Variants in DENND2C observed in about 807,000 individuals in gnomAD.
DENND2C encodes the protein DENN domain-containing protein 2C.
Under a neutral mutation model 112.4 loss-of-function variants are expected in DENND2C, and 72 were observed. The ratio of observed to expected loss-of-function variants is 0.64; its 90% CI spans 0.53 to 0.78. The LOEUF is 0.78. Among genes scored for constraint, DENND2C ranks in the 30% least tolerant of loss-of-function variants. DENND2C has a pLI of 0.00. For missense variants in DENND2C, 992 were observed against 1,113.8 expected, an observed-to-expected ratio of 0.89 and a Z score of 1.56; for synonymous variants, 329 against 381.6, an observed-to-expected ratio of 0.86 and a Z score of 1.61.
chr1:114,659,389 C>T (rs541753070), intron 1 of DENND2C, among the ~76,000 whole-genome samples: 1 of 152,216 alleles, frequency 6.6e-6, no homozygotes, highest in South Asian at 2.1e-4. Context: ...GTAGTCCCAG[C>T]TACTTTGGAA....
rs148326442 is a variant in DENND2C, at chr1:114,600,864, G to A, written c.1912C>T (p.Arg638Cys). The A allele has an allele frequency of 8.0e-4, 1,294 of 1,614,038 alleles. 2 individuals are homozygous for A. Among genetic ancestry groups the A allele is most frequent in the Non-Finnish European group, 9.6e-4 (1,133 of 1,179,944 alleles). ...VMEAPFPAPG[R>C]TITVKSYLPG... ...AGGTAACTCTTAACTGTGATGGTGCGTCCAGGAGCTGGGAAAGGAGCTTCC... is the reference window on the plus strand; with the variant it reads ...AGGTAACTCTTAACTGTGATGGTGCATCCAGGAGCTGGGAAAGGAGCTTCC... The change falls in exon 14 of 21, where the codon CGC becomes TGC. Residue 638 changes from arginine to cysteine, a missense_variant. Around this residue, in one of 3 missense-constraint regions of DENND2C, gnomAD observed 516 missense variants for 623.6 expected, o/e 0.83. Transcript: ENST00000393274.
intron 3 of DENND2C, among the ~76,000 whole-genome samples, chr1:114,644,523 G>A (rs977613799): frequency 6.6e-6 from 1 of 152,128 alleles, no homozygotes; most frequent in Non-Finnish European, 1.5e-5. Flanking sequence ...ATTTGAAGCT[G>A]CCCCATTTGT....
Position 114,604,987 on chromosome 1 carries a change from A to T in DENND2C, c.1602T>A (p.Leu534=). ...GAAAACAAAATTTTGGAATAACTTT[A>T]AGTCTCTCTTCCATGTCTTTGGACT... ...YKQSKDMEER[L]KVIPKFCFPD... Residue 534 remains leucine (L), a synonymous_variant, in exon 11 of 21, where the codon CTT becomes CTA. Transcript: ENST00000393274. 6.2e-7 allele frequency: 1 copy of T among 1,613,862 alleles called. No homozygotes were observed. Among genetic ancestry groups the T allele is most frequent in the Non-Finnish European group, 8.5e-7 (1 of 1,179,940 alleles).
In DENND2C at chr1:114,622,850, T is replaced by A. The variant is rs561656217; in HGVS notation, c.1056+137A>T. 2.7e-3 allele frequency: 1,321 copies of A among 481,898 alleles called. 3 individuals carry two copies. The highest frequency in any genetic ancestry group is 4.4e-3 in the Admixed American group (102 of 23,076). The allele number at this position is 481,898 out of a possible 1,614,324, so 29.9% of individuals were successfully genotyped here. A position where few individuals can be genotyped will look rare whatever the true frequency, so the allele number is the denominator to read the frequency against. ...GTTATCCCAAAAAACAAAACAAAAA[T>A]TAAAAAAACTACCACCAACATTAAA... On this transcript the variant is annotated intron_variant, in intron 6 of 20. Coordinates refer to ENST00000393274, the MANE Select transcript of DENND2C (RefSeq NM_001256404.2).
chr1:114,655,878 G>GTGTATATATATATATATATATATATA (rs1553238216), intron 1 of DENND2C, among the ~76,000 whole-genome samples: 1 of 19,944 alleles, frequency 5.0e-5, no homozygotes, highest in East Asian at 5.8e-4. Flanking sequence ...ATATATATAT[G>GTGTATATATATATATATATATATATA]TATAAATATA....
At chr1:114,623,665 TAA>T in intron 4 of DENND2C, 22 bp from the exon 5 acceptor site, 13 of 1,537,922 alleles carry the variant, frequency 8.5e-6, no homozygotes, top group Non-Finnish European at 1.1e-5. Context: ...AGATATATTT[TAA>T]AGTTATATCT....
chr1:114,616,067 T>C (rs1655959691), intron 8 of DENND2C, among the ~76,000 whole-genome samples: 1 of 151,402 alleles, frequency 6.6e-6, no homozygotes, highest in African/African-American at 2.4e-5. Flanking sequence ...AGAGCAAGAC[T>C]GTCTCAAAAG....
In DENND2C at chr1:114,600,321, C is replaced by T. The variant is rs746690091; in HGVS notation, c.1988G>A (p.Arg663Gln). ...SIELCRPLDS[R>Q]LEHVDFKCLF... ...ACATTTAAAATCAACATGTTCCAAT[C>T]GGGAATCTAGTGGTCGGCAGAGTTC... Residue 663 changes from arginine to glutamine, a missense_variant, in exon 15 of 21, where the codon CGA becomes CAA. Coordinates refer to ENST00000393274, the MANE Select transcript of DENND2C (RefSeq NM_001256404.2). 8.7e-6 allele frequency: 14 copies of T among 1,613,998 alleles called. No homozygotes were observed. In the East Asian group the frequency reaches 1.3e-4, roughly 15 times the overall value.
rs764676779 is a variant in DENND2C, at chr1:114,625,693, T to C, written c.292A>G (p.Lys98Glu). 6.2e-7 allele frequency: 1 copy of C among 1,614,084 alleles called. No homozygotes were observed. Among genetic ancestry groups the C allele is most frequent in the South Asian group, 1.1e-5 (1 of 91,080 alleles). The stretch of plus-strand genomic sequence containing the variant: ...TGTGTATCGTCATATTCATGTTTCT[T>C]ATTTTCATTCTCACTTTGATCATGG... The part of the protein sequence containing the change: ...KSHDQSENEN[K>E]KHEYDDTHFF... Residue 98 changes from lysine (K) to glutamate (E), a missense_variant, in exon 4 of 21, where the codon AAG (lysine) becomes GAG (glutamate). By Grantham distance (56) the Lys-to-Glu change is moderately conservative. Coordinates refer to ENST00000393274, the MANE Select transcript of DENND2C (RefSeq NM_001256404.2).
intron 8 of DENND2C, among the ~76,000 whole-genome samples, chr1:114,614,748 C>T (rs1468617259): frequency 1.3e-5 from 2 of 152,200 alleles, no homozygotes; most frequent in East Asian, 3.8e-4. Context: ...CGCAGTGGCT[C>T]ATGCCTGTAA....
chr1:114,665,078 A>G (rs377692409), intron 1 of DENND2C, among the ~76,000 whole-genome samples: 10 of 151,940 alleles, frequency 6.6e-5, no homozygotes, highest in African/African-American at 2.4e-4. Flanking sequence ...TGGGCAACAG[A>G]GAGAGACTCT....
At chr1:114,587,099 T>C (rs1655059467) in intron 20 of DENND2C, 3 of 313,628 alleles carry the variant, frequency 9.6e-6, no homozygotes, top group Admixed American at 8.4e-5. Flanking sequence ...GGTTTCACCA[T>C]GTTGGACAGG....
intron 1 of DENND2C, among the ~76,000 whole-genome samples, chr1:114,665,077 G>A (rs1657609109): frequency 6.6e-6 from 1 of 151,740 alleles, no homozygotes; most frequent in Non-Finnish European, 1.5e-5. Context: ...CTGGGCAACA[G>A]AGAGAGACTC....
intron 2 of DENND2C, among the ~76,000 whole-genome samples, chr1:114,646,528 T>A (rs992962994): frequency 3.3e-5 from 5 of 152,178 alleles, no homozygotes; most frequent in Non-Finnish European, 5.9e-5. Context: ...CTTGGACACA[T>A]ATGAACTGCT....
At chr1:114,639,952 TACTGCATAATATGTGGG>T (rs202197459) in intron 3 of DENND2C, among the ~76,000 whole-genome samples, 4,056 of 152,278 alleles carry the variant, frequency 0.027, 96 homozygotes, top group Non-Finnish European at 0.035. Flanking sequence ...GGCAGGGCAT[TACTGCATAATATGTGGG>T]ACTGCATAAT....
chr1:114,604,900 T>C, intron 11 of DENND2C, 22 bp downstream of exon 11: 1 of 1,512,966 alleles, frequency 6.6e-7, no homozygotes, highest in African/African-American at 1.4e-5. Context: ...TGAATAGAAA[T>C]CAGATAAATT....
chr1:114,604,453 C>G (rs1260762401), intron 11 of DENND2C, among the ~76,000 whole-genome samples: 2 of 152,140 alleles, frequency 1.3e-5, no homozygotes, highest in African/African-American at 4.8e-5. Flanking sequence ...TACTACACTT[C>G]CCAAACTGGA....
chr1:114,626,511 T>C (rs992486482), intron 3 of DENND2C, among the ~76,000 whole-genome samples: 15 of 30,986 alleles, frequency 4.8e-4, no homozygotes, highest in Admixed American at 1.3e-3. Context: ...AAATTAATTC[T>C]TTTTTTTTTT....
At chr1:114,588,050 A>G (rs1655089493) in intron 18 of DENND2C, 98 bp from the exon 19 acceptor site, 2 of 1,019,298 alleles carry the variant, frequency 2.0e-6, no homozygotes, top group South Asian at 3.2e-5. Flanking sequence ...CTAAGAAGTT[A>G]TAGATTAAAG....
Sources: gnomAD v4.1 joint callset for allele counts (sites outside exome capture counted in the v4.1 genomes callset) on GRCh38, gnomAD v4.1.1 for gene constraint, gnomAD v4.1.1 regional missense constraint, MANE v1.5 for transcripts, NCBI Gene and HGNC (gene_info 2026-07-23, HGNC 2026-07-21) for gene names.